The following RORA variants were observed in gnomAD, a reference collection of about 807,000 sequenced individuals.
The protein encoded by RORA is nuclear receptor ROR-alpha.
In RORA, 7 loss-of-function variants were observed where a neutral mutation model predicts 69.5. The ratio of observed to expected loss-of-function variants is 0.10; its 90% CI spans 0.06 to 0.19. RORA has a LOEUF of 0.19. RORA is among the 10% of genes least tolerant of loss of function. The probability of loss-of-function intolerance (pLI) is 1.00; values close to 1 mark genes in which losing one functional copy is unlikely to be tolerated. For synonymous variants in RORA, 261 were observed against 240.8 expected, an observed-to-expected ratio of 1.08 and a Z score of -0.78; for missense variants, 457 against 663.0, an observed-to-expected ratio of 0.69 and a Z score of 3.41.
chr15:60,584,697 A>G (rs1022636948), intron 2 of RORA, among the ~76,000 whole-genome samples: 9 of 152,252 alleles, frequency 5.9e-5, no homozygotes, highest in Non-Finnish European at 1.2e-4. Context: ...ACTGTTCTAC[A>G]GAAGATTTGA....
intron 2 of RORA, among the ~76,000 whole-genome samples, chr15:60,651,041 C>A (rs17191554): frequency 0.047 from 7,150 of 152,234 alleles, 225 homozygotes; most frequent in Middle Eastern, 0.1. Flanking sequence ...CACTCCCTTC[C>A]GTTAACAATG....
intron 1 of RORA, among the ~76,000 whole-genome samples, chr15:60,999,171 CT>C (rs1248146827): frequency 2.0e-5 from 3 of 152,192 alleles, no homozygotes; most frequent in Admixed American, 6.5e-5. Flanking sequence ...CTGTGGACCC[CT>C]GGCATAGAAA....
intron 1 of RORA, among the ~76,000 whole-genome samples, chr15:60,781,949 G>A (rs1184272646): frequency 6.6e-5 from 10 of 152,344 alleles, no homozygotes; most frequent in African/African-American, 1.9e-4. Flanking sequence ...GTCCCAGGCC[G>A]GGTACGGCGG....
intron 1 of RORA, among the ~76,000 whole-genome samples, chr15:60,768,344 G>T (rs1265158230): frequency 2.0e-5 from 3 of 152,172 alleles, no homozygotes; most frequent in Admixed American, 2.0e-4. Context: ...TCGTGATGGG[G>T]CTGTAAAGTT....
chr15:60,569,050 C>G (rs1274686892), intron 2 of RORA, among the ~76,000 whole-genome samples: 1 of 151,706 alleles, frequency 6.6e-6, no homozygotes, highest in Non-Finnish European at 1.5e-5. Context: ...TCTTTTCACA[C>G]CTCTATCTTC....
intron 1 of RORA, among the ~76,000 whole-genome samples, chr15:60,727,845 G>A (rs1332948059): frequency 3.3e-5 from 5 of 152,148 alleles, no homozygotes; most frequent in Non-Finnish European, 1.5e-5. Flanking sequence ...CTCTAGGAGA[G>A]GTTCACGGGC....
intron 1 of RORA, among the ~76,000 whole-genome samples, chr15:61,059,946 A>AGAG (rs1566968647): frequency 9.9e-5 from 13 of 131,772 alleles, no homozygotes; most frequent in East Asian, 6.5e-4. Flanking sequence ...AAGAAGAAGA[A>AGAG]GAAGAAGAAG....
intron 2 of RORA, among the ~76,000 whole-genome samples, chr15:60,540,574 C>CCCCCCCG (rs1555428642): frequency 4.9e-5 from 5 of 102,664 alleles, no homozygotes; most frequent in South Asian, 3.0e-4. Context: ...ACCCCCCCCC[C>CCCCCCCG]CCAAAACTGT....
intron 1 of RORA, among the ~76,000 whole-genome samples, chr15:61,072,300 G>A (rs1477410453): frequency 1.3e-5 from 2 of 151,848 alleles, no homozygotes; most frequent in African/African-American, 2.4e-5. Context: ...CATTGGCATT[G>A]ATGAGCCCAT....
chr15:61,208,982 T>A (rs540015152), intron 1 of RORA, among the ~76,000 whole-genome samples: 128 of 152,316 alleles, frequency 8.4e-4, no homozygotes, highest in African/African-American at 3.0e-3. Flanking sequence ...ATATTTTTCG[T>A]TTTCTTGTCT....
At chr15:60,817,383 G>C (rs1017884545) in intron 1 of RORA, among the ~76,000 whole-genome samples, 2 of 152,166 alleles carry the variant, frequency 1.3e-5, no homozygotes, top group Non-Finnish European at 2.9e-5. Context: ...CATGCTTTTG[G>C]AAAAATGGTG....
chr15:60,947,010 G>A (rs1233660115), intron 1 of RORA, among the ~76,000 whole-genome samples: 2 of 148,958 alleles, frequency 1.3e-5, no homozygotes, highest in Non-Finnish European at 1.5e-5. Flanking sequence ...CCTTCCGGGA[G>A]GGAGGTGGGG....
intron 8 of RORA, among the ~76,000 whole-genome samples, chr15:60,502,511 GT>G (rs1358118562): frequency 6.6e-6 from 1 of 151,928 alleles, no homozygotes; most frequent in Non-Finnish European, 1.5e-5. Context: ...GGAAGGACAC[GT>G]CATATAAATC....
intron 1 of RORA, among the ~76,000 whole-genome samples, chr15:60,692,876 G>C (rs963931401): frequency 1.3e-4 from 20 of 152,332 alleles, no homozygotes; most frequent in African/African-American, 4.8e-4. Context: ...GAGCTACAAA[G>C]AGGAGCTGGT....
intron 1 of RORA, among the ~76,000 whole-genome samples, chr15:61,042,025 A>G (rs1470049383): frequency 1.3e-5 from 2 of 152,216 alleles, no homozygotes; most frequent in Admixed American, 6.5e-5. Flanking sequence ...CGTGATCAGC[A>G]TCAGACCCTC....
intron 3 of RORA, chr15:60,528,824 C>T (rs1315927073): frequency 1.3e-5 from 2 of 152,184 alleles, no homozygotes; most frequent in Non-Finnish European, 2.9e-5. Context: ...CCTCATTTTA[C>T]AGATGGGGGA....
chr15:60,612,431 G>GATGT (rs914068342), intron 2 of RORA, among the ~76,000 whole-genome samples: 7 of 152,132 alleles, frequency 4.6e-5, no homozygotes, highest in African/African-American at 1.7e-4. Flanking sequence ...GAAACTAGTG[G>GATGT]ATGTATGCCC....
chr15:60,803,967 A>G (rs1259240839), intron 1 of RORA, among the ~76,000 whole-genome samples: 1 of 152,132 alleles, frequency 6.6e-6, no homozygotes, highest in Non-Finnish European at 1.5e-5. Context: ...TCAGGAAGAG[A>G]CAAAGCACTT....
At chr15:60,621,016 C>T (rs916260449) in intron 2 of RORA, among the ~76,000 whole-genome samples, 9 of 152,208 alleles carry the variant, frequency 5.9e-5, no homozygotes, top group Non-Finnish European at 1.2e-4. Flanking sequence ...ACGCTTCCTG[C>T]GCATAACTGT....
Sources: gnomAD v4.1 joint callset for allele counts (sites outside exome capture counted in the v4.1 genomes callset) on GRCh38, gnomAD v4.1.1 for gene constraint, MANE v1.5 for transcripts, NCBI Gene and HGNC (gene_info 2026-07-23, HGNC 2026-07-21) for gene names.